CNTNAP5: variants seen among roughly 807,000 people sequenced by gnomAD.
The protein encoded by CNTNAP5 is contactin associated protein family member 5, also known as contactin-associated protein-like 5.
A neutral mutation model predicts 150.2 loss-of-function variants in CNTNAP5; 72 were observed. The observed-to-expected ratio is 0.48, with a 90% CI of 0.40 to 0.58. CNTNAP5 has a LOEUF of 0.58. Ranked by LOEUF, CNTNAP5 falls within the 20% of genes least tolerant of loss-of-function variation. CNTNAP5 has a pLI of 0.00. For missense variants in CNTNAP5, 1,636 were observed against 1,626.2 expected (o/e 1.01, Z -0.10); for synonymous variants, 672 against 619.8 (o/e 1.08, Z -1.25).
At chr2:124,737,373 T>C (rs574065266) in intron 13 of CNTNAP5, among the ~76,000 whole-genome samples, 43 of 151,920 alleles carry the variant, frequency 2.8e-4, no homozygotes, top group Admixed American at 2.8e-3. Context: ...AAATGGTTAA[T>C]TTCAGGACCC....
chr2:124,210,264 C>T lies in CNTNAP5; in HGVS notation c.83-11441C>T, dbSNP rs544939071. On this transcript the variant is annotated intron_variant, in intron 1 of 23. Transcript: ENST00000682447. The stretch of plus-strand genomic sequence containing the variant: ...TTATTATATTTATCTAAAAGAAAGA[C>T]GAGAAGCTTTAAATATGATTTGGAA... Among the ~76,000 whole-genome samples the T allele has an allele frequency of 1.0e-3, 156 of 152,102 alleles. 1 individual carries two copies. Among genetic ancestry groups the T allele is most frequent in the African/African-American group, 3.1e-3 (128 of 41,474 alleles).
chr2:124,161,507 A>C (rs1394446901), intron 1 of CNTNAP5, among the ~76,000 whole-genome samples: 1 of 152,208 alleles, frequency 6.6e-6, no homozygotes, highest in African/African-American at 2.4e-5. Flanking sequence ...ATTAGCAGTC[A>C]GCAAGCACCC....
In CNTNAP5 at chr2:124,446,658, A is replaced by G. The variant is rs1692823715; in HGVS notation, c.734-95A>G. 10 of 1,221,206 alleles carry G rather than the reference A, an allele frequency of 8.2e-6. No homozygotes were observed. In the Admixed American group the frequency reaches 1.3e-4, roughly 16 times the overall value. The allele number at this position is 1,221,206 out of a possible 1,614,324, so 75.6% of individuals were successfully genotyped here. Reference sequence around the variant, plus strand: ...TAGGGAGACATCATTCTTTGCCTTTAGAACAGATATAGCTGCTTTTGCTTG... The same window carrying G: ...TAGGGAGACATCATTCTTTGCCTTTGGAACAGATATAGCTGCTTTTGCTTG... On this transcript the variant is annotated intron_variant, in intron 5 of 23. Coordinates refer to ENST00000682447, the MANE Select transcript of CNTNAP5 (RefSeq NM_001367498.1).
intron 6 of CNTNAP5, among the ~76,000 whole-genome samples, chr2:124,462,029 G>A (rs541768513): frequency 6.6e-6 from 1 of 151,856 alleles, no homozygotes; most frequent in Non-Finnish European, 1.5e-5. Context: ...TTAAAATTTT[G>A]TTTAACCACC....
At chr2:124,397,423 T>C (rs909033957) in intron 3 of CNTNAP5, among the ~76,000 whole-genome samples, 2 of 152,152 alleles carry the variant, frequency 1.3e-5, no homozygotes, top group African/African-American at 4.8e-5. Flanking sequence ...GAGGGCTAGT[T>C]CTTTTTCTAT....
chr2:124,192,383 G>A (rs998607), intron 1 of CNTNAP5, among the ~76,000 whole-genome samples: 53,088 of 151,970 alleles, frequency 0.35, 9,415 homozygotes, highest in East Asian at 0.46. Context: ...TTCTTTGCCC[G>A]ATCAAGTACT....
chr2:124,829,336 C>T (rs115434952), intron 19 of CNTNAP5, among the ~76,000 whole-genome samples: 2,467 of 152,232 alleles, frequency 0.016, 69 homozygotes, highest in African/African-American at 0.056. Flanking sequence ...TGGATTGTTC[C>T]ACATAGCTAG....
intron 11 of CNTNAP5, among the ~76,000 whole-genome samples, chr2:124,564,289 A>T (rs1166648527): frequency 6.6e-6 from 1 of 152,166 alleles, no homozygotes; most frequent in Non-Finnish European, 1.5e-5. Flanking sequence ...TGTACACAAG[A>T]TAAGGAGTGA....
intron 3 of CNTNAP5, among the ~76,000 whole-genome samples, chr2:124,338,872 T>A (rs917992027): frequency 2.0e-5 from 3 of 152,162 alleles, no homozygotes; most frequent in African/African-American, 7.2e-5. Flanking sequence ...AGGTTATGGT[T>A]GCTCATTTGA....
chr2:124,278,350 C>A (rs1207062221), intron 3 of CNTNAP5, among the ~76,000 whole-genome samples: 1 of 152,114 alleles, frequency 6.6e-6, no homozygotes, highest in Non-Finnish European at 1.5e-5. Context: ...AAAAGTAAGG[C>A]ATTTGCTCCT....
intron 13 of CNTNAP5, among the ~76,000 whole-genome samples, chr2:124,713,381 T>TTCTTTCTTTCTTTCTTTCTC (rs1679878621): frequency 7.1e-6 from 1 of 140,376 alleles, no homozygotes; most frequent in Non-Finnish European, 1.5e-5. Context: ...CTTTCTTTCT[T>TTCTTTCTTTCTTTCTTTCTC]CTCCCTCTTT....
chr2:124,207,929 T>C (rs1246472578), intron 1 of CNTNAP5, among the ~76,000 whole-genome samples: 1 of 152,184 alleles, frequency 6.6e-6, no homozygotes, highest in East Asian at 1.9e-4. Context: ...CCATATAACA[T>C]TTATAGCATT....
chr2:124,200,117 C>A (rs1240470400), intron 1 of CNTNAP5, among the ~76,000 whole-genome samples: 1 of 152,186 alleles, frequency 6.6e-6, no homozygotes, highest in Non-Finnish European at 1.5e-5. Context: ...GGCATAGACA[C>A]CCTTCCAATC....
intron 1 of CNTNAP5, among the ~76,000 whole-genome samples, chr2:124,103,650 G>A (rs1405901334): frequency 2.0e-5 from 3 of 151,974 alleles, no homozygotes; most frequent in Non-Finnish European, 4.4e-5. Context: ...GGAGCAATAA[G>A]CTGTGCCATA....
In CNTNAP5 at chr2:124,807,787, C is replaced by T. The variant is rs1331631858; in HGVS notation, c.3217+9467C>T. ...GTTGTATTCTTGTCTAGGAATGCCA[C>T]ATTTACTTCCTGTGCACCCCACCAC... On this transcript the variant is annotated intron_variant, in intron 19 of 23. Transcript: ENST00000682447. Among the ~76,000 whole-genome samples the T allele has an allele frequency of 2.6e-5, 4 of 152,300 alleles. No homozygotes were observed. The East Asian group carries it at 7.7e-4, about 29-fold the overall frequency.
chr2:124,100,530 C>T (rs1393233153), intron 1 of CNTNAP5, among the ~76,000 whole-genome samples: 1 of 151,852 alleles, frequency 6.6e-6, no homozygotes, highest in Non-Finnish European at 1.5e-5. Context: ...AATTTTTTTT[C>T]TAGGTCTGTA....
chr2:124,510,510 T>TATATATATAC (rs1694560482), intron 8 of CNTNAP5, among the ~76,000 whole-genome samples: 1 of 124,488 alleles, frequency 8.0e-6, no homozygotes, highest in South Asian at 2.9e-4. Context: ...TATATATATA[T>TATATATATAC]ATATATATAC....
chr2:124,871,998 A>G (rs1677759510), intron 21 of CNTNAP5, among the ~76,000 whole-genome samples: 1 of 151,940 alleles, frequency 6.6e-6, no homozygotes, highest in African/African-American at 2.4e-5. Context: ...CTATCATCAT[A>G]TTTCTTACCC....
chr2:124,812,915 A>G (rs1682268733), intron 19 of CNTNAP5, among the ~76,000 whole-genome samples: 1 of 152,046 alleles, frequency 6.6e-6, no homozygotes, highest in Non-Finnish European at 1.5e-5. Context: ...AAATCTCTTC[A>G]AATATTTTAC....
Sources: gnomAD v4.1 joint callset for allele counts (sites outside exome capture counted in the v4.1 genomes callset) on GRCh38, gnomAD v4.1.1 for gene constraint, MANE v1.5 for transcripts, NCBI Gene and HGNC (gene_info 2026-07-23, HGNC 2026-07-21) for gene names.